TSPAN9: variants seen among roughly 807,000 people sequenced by gnomAD.
TSPAN9 encodes the protein tetraspanin-9.
TSPAN9 carries 16 observed loss-of-function variants against 31.0 expected under a neutral mutation model. The ratio of observed to expected loss-of-function variants is 0.52; its 90% CI spans 0.35 to 0.78. TSPAN9 has a LOEUF of 0.78. Ranked by LOEUF, TSPAN9 falls within the 30% of genes least tolerant of loss-of-function variation. The pLI, the probability that TSPAN9 is intolerant of heterozygous loss-of-function variation, is 0.01. For synonymous variants in TSPAN9, 145 were observed against 121.6 expected, an observed-to-expected ratio of 1.19 and a Z score of -1.27; for missense variants, 272 against 312.5, an observed-to-expected ratio of 0.87 and a Z score of 0.98.
At chr12:3,087,103 G>C (rs1025961394) in intron 2 of TSPAN9, among the ~76,000 whole-genome samples, 2 of 152,210 alleles carry the variant, frequency 1.3e-5, no homozygotes, top group African/African-American at 2.4e-5. Flanking sequence ...ACATGTGTGG[G>C]TGTTAGTGAC....
At chr12:3,087,372 T>G (rs1645644171) in intron 2 of TSPAN9, among the ~76,000 whole-genome samples, 2 of 151,994 alleles carry the variant, frequency 1.3e-5, no homozygotes, top group South Asian at 4.2e-4. Context: ...TAGTCAGGTG[T>G]GGTAATCAGT....
chr12:3,184,069 A>T (rs1462065020), intron 2 of TSPAN9, among the ~76,000 whole-genome samples: 1 of 152,094 alleles, frequency 6.6e-6, no homozygotes, highest in Non-Finnish European at 1.5e-5. Flanking sequence ...ATGATCTCTG[A>T]CGGCCCATAG....
chr12:3,221,516 G>A (rs2098384592), intron 3 of TSPAN9, among the ~76,000 whole-genome samples: 1 of 152,026 alleles, frequency 6.6e-6, no homozygotes, highest in South Asian at 2.1e-4. Context: ...ATGCCACCAA[G>A]CCCGTCTAAT....
At chr12:3,120,165 A>C (rs10848807) in intron 2 of TSPAN9, among the ~76,000 whole-genome samples, 95,013 of 152,044 alleles carry the variant, frequency 0.62, 29,878 homozygotes, top group East Asian at 0.74. Context: ...GCTTTAATGT[A>C]TGCTTTGGAA....
chr12:3,105,105 C>T (rs555867387), intron 2 of TSPAN9, among the ~76,000 whole-genome samples: 1 of 152,306 alleles, frequency 6.6e-6, no homozygotes, highest in South Asian at 2.1e-4. Context: ...AATTTGTGCC[C>T]CGTCTGCGCA....
At chr12:3,245,031 C>G (rs1245693778) in intron 3 of TSPAN9, among the ~76,000 whole-genome samples, 1 of 152,206 alleles carries the variant, frequency 6.6e-6, no homozygotes. Flanking sequence ...AGCAGCCCAG[C>G]CTATCTAGGT....
At chr12:3,152,404 G>C (rs2098340259) in intron 2 of TSPAN9, among the ~76,000 whole-genome samples, 1 of 150,544 alleles carries the variant, frequency 6.6e-6, no homozygotes, top group Non-Finnish European at 1.5e-5. Flanking sequence ...CAGTCCTTCT[G>C]TCCTTCTGAC....
chr12:3,132,383 G>C (rs2098330185), intron 2 of TSPAN9, among the ~76,000 whole-genome samples: 1 of 152,058 alleles, frequency 6.6e-6, no homozygotes, highest in Admixed American at 6.6e-5. Context: ...TTACATCCCT[G>C]CCGGCAACGC....
chr12:3,235,217 A>AATATATATATATAT (rs59628415), intron 3 of TSPAN9, among the ~76,000 whole-genome samples: 1 of 22,884 alleles, frequency 4.4e-5, no homozygotes, highest in Non-Finnish European at 6.8e-5. Flanking sequence ...AAAAAAAAAA[A>AATATATATATATAT]ATATATATAT....
intron 2 of TSPAN9, among the ~76,000 whole-genome samples, chr12:3,167,710 C>T (rs1359150015): frequency 6.6e-6 from 1 of 152,166 alleles, no homozygotes. Flanking sequence ...TGAGCATGGT[C>T]TCCCGCTTGG....
At chr12:3,200,699 G>C (rs1430107588) in intron 2 of TSPAN9, 1 of 152,474 alleles carries the variant, frequency 6.6e-6, no homozygotes, top group Non-Finnish European at 1.5e-5. Context: ...GCCGCGCCGC[G>C]CCGCAGAGCC....
Position 3,277,728 on chromosome 12 carries a change from G to A in TSPAN9, c.64-693G>A, listed in dbSNP as rs570369725. ...GCAGCCCCAGGGGTGCTGTTGGGGA[G>A]AGTTGCTTTTCGGTTTGGGGGCCGA... is the stretch of plus-strand genomic sequence containing the variant. On this transcript the variant is annotated intron_variant, in intron 3 of 8. Transcript: ENST00000011898. Among the ~76,000 whole-genome samples the A allele has an allele frequency of 7.9e-5, 12 of 152,312 alleles. No individual in the cohort carries two copies. The East Asian group carries it at 2.3e-3, about 29-fold the overall frequency.
At chr12:3,261,701 A>G (rs925751768) in intron 3 of TSPAN9, among the ~76,000 whole-genome samples, 1 of 152,200 alleles carries the variant, frequency 6.6e-6, no homozygotes, top group Non-Finnish European at 1.5e-5. Flanking sequence ...CAACGTGGGC[A>G]CCCTGTTCAG....
At chr12:3,099,781 A>C (rs2098310919) in intron 2 of TSPAN9, among the ~76,000 whole-genome samples, 1 of 151,812 alleles carries the variant, frequency 6.6e-6, no homozygotes, top group South Asian at 2.1e-4. Flanking sequence ...CCTCACTGCT[A>C]AGGCAACACC....
At chr12:3,129,298 T>C (rs1037766401) in intron 2 of TSPAN9, among the ~76,000 whole-genome samples, 4 of 152,338 alleles carry the variant, frequency 2.6e-5, no homozygotes, top group African/African-American at 2.4e-5. Flanking sequence ...CACAGGACTT[T>C]GCACAACCGA....
intron 3 of TSPAN9, among the ~76,000 whole-genome samples, chr12:3,245,764 G>T (rs1249360352): frequency 6.6e-6 from 1 of 152,192 alleles, no homozygotes; most frequent in Non-Finnish European, 1.5e-5. Context: ...GCCATCGTCA[G>T]CATGGATGCT....
intron 3 of TSPAN9, among the ~76,000 whole-genome samples, chr12:3,233,845 G>T (rs958418376): frequency 6.6e-6 from 1 of 152,222 alleles, no homozygotes; most frequent in African/African-American, 2.4e-5. Flanking sequence ...GAGCAGTCCT[G>T]TTGGCAGGGG....
In TSPAN9 at chr12:3,285,322, A is replaced by G. The variant is rs1862994542; in HGVS notation, c.*2206A>G. 1 of 152,178 alleles carries G rather than the reference A, an allele frequency of 6.6e-6. No homozygotes were observed. The highest frequency in any genetic ancestry group is 6.5e-5 in the Admixed American group (1 of 15,280). The allele number at this position is 152,178 out of a possible 1,614,324, so 9.4% of individuals were successfully genotyped here. A position where few individuals can be genotyped will look rare whatever the true frequency, so the allele number is the denominator to read the frequency against. On this transcript the variant is annotated 3_prime_UTR_variant, in exon 9 of 9. Transcript: ENST00000011898. ...TCAATGCAATTTTTAATTTTTGTTA[A>G]TATCAACAGCAAAAGCCTAGTGCAT...
intron 3 of TSPAN9, among the ~76,000 whole-genome samples, chr12:3,215,014 C>T (rs1055655598): frequency 6.6e-6 from 1 of 152,036 alleles, no homozygotes; most frequent in Admixed American, 6.6e-5. Flanking sequence ...CCTCCCTTAT[C>T]CCCTGGCCCT....
Sources: allele counts gnomAD v4.1 joint callset (sites outside exome capture counted in the v4.1 genomes callset), GRCh38; gene constraint gnomAD v4.1.1; transcripts MANE v1.5; gene names NCBI Gene and HGNC (gene_info 2026-07-23, HGNC 2026-07-21).